The following ERGIC1 variants were observed in gnomAD, a reference collection of about 807,000 sequenced individuals.
The protein encoded by ERGIC1 is endoplasmic reticulum-golgi intermediate compartment 1.
In ERGIC1, 19 loss-of-function variants were observed where a neutral mutation model predicts 38.3. The ratio of observed to expected loss-of-function variants is 0.50; its 90% CI spans 0.35 to 0.73. The LOEUF is 0.73. Ranked by LOEUF, ERGIC1 falls within the 30% of genes least tolerant of loss-of-function variation. The pLI, the probability that ERGIC1 is intolerant of heterozygous loss-of-function variation, is 0.01. For synonymous variants in ERGIC1, 124 were observed against 157.6 expected (o/e 0.79, Z 1.60); for missense variants, 294 against 389.2 (o/e 0.76, Z 2.06).
intron 2 of ERGIC1, among the ~76,000 whole-genome samples, chr5:172,896,168 C>T (rs1386078892): frequency 6.6e-6 from 1 of 151,866 alleles, no homozygotes; most frequent in East Asian, 1.9e-4. Context: ...CATGGTGAAA[C>T]CCCGTCTCTA....
intron 4 of ERGIC1, among the ~76,000 whole-genome samples, chr5:172,914,234 CAAA>C (rs35584191): frequency 2.9e-5 from 3 of 102,184 alleles, no homozygotes; most frequent in Non-Finnish European, 5.7e-5. Flanking sequence ...GACTCTGTCT[CAAA>C]AAAAAAAAAA....
At chr5:172,910,976 G>A (rs768489401) in intron 4 of ERGIC1, among the ~76,000 whole-genome samples, 4 of 152,182 alleles carry the variant, frequency 2.6e-5, no homozygotes. Flanking sequence ...AGTAATGTCT[G>A]TTGTCTGAGG....
intron 1 of ERGIC1, among the ~76,000 whole-genome samples, chr5:172,877,856 C>T (rs968850843): frequency 3.9e-5 from 6 of 152,110 alleles, no homozygotes; most frequent in Admixed American, 6.5e-5. Context: ...CCAGGCCCTG[C>T]GTGACCCACA....
At chr5:172,857,319 G>C (rs955612122) in intron 1 of ERGIC1, among the ~76,000 whole-genome samples, 1 of 152,118 alleles carries the variant, frequency 6.6e-6, no homozygotes, top group African/African-American at 2.4e-5. Context: ...GGAATGGTTC[G>C]ATTCATTGCC....
intron 9 of ERGIC1, among the ~76,000 whole-genome samples, chr5:172,948,042 C>G (rs994146369): frequency 1.3e-5 from 2 of 152,180 alleles, no homozygotes; most frequent in African/African-American, 4.8e-5. Context: ...AACCAGCTCC[C>G]CTGCCGTCAT....
At chr5:172,845,537 A>G (rs1761265147) in intron 1 of ERGIC1, among the ~76,000 whole-genome samples, 1 of 152,210 alleles carries the variant, frequency 6.6e-6, no homozygotes, top group East Asian at 1.9e-4. Flanking sequence ...TGTGCCAGGT[A>G]TCATTCTAGA....
rs769743089 is a variant in ERGIC1, at chr5:172,950,691, A to G, written c.766-18A>G. The G allele has an allele frequency of 6.2e-7, 1 of 1,603,072 alleles. No individual in the cohort carries two copies. Among genetic ancestry groups the G allele is most frequent in the Non-Finnish European group, 8.5e-7 (1 of 1,171,612 alleles). On this transcript the variant is annotated intron_variant, in intron 9 of 9. Coordinates refer to ENST00000393784, the MANE Select transcript of ERGIC1 (RefSeq NM_001031711.3). ...CACTGACTTCTGACACTCCCACCCC[A>G]CCCCTGCCCTCTTGCAGATCTGTGC...
At chr5:172,868,651 G>A (rs1324684996) in intron 1 of ERGIC1, among the ~76,000 whole-genome samples, 9 of 152,152 alleles carry the variant, frequency 5.9e-5, no homozygotes, top group African/African-American at 1.7e-4. Context: ...TGTCTAAACC[G>A]AAGGAATGTA....
chr5:172,849,143 T>C lies in ERGIC1; in HGVS notation c.20+14710T>C, dbSNP rs1581509023. The stretch of plus-strand genomic sequence containing the variant: ...AAGTTGAAGACCTGGCTCAGGGTCA[T>C]ACCTCTGGCAAAGTAACAAACCCAA... On this transcript the variant is annotated intron_variant, in intron 1 of 9. Coordinates refer to ENST00000393784, the MANE Select transcript of ERGIC1 (RefSeq NM_001031711.3). Among the ~76,000 whole-genome samples, 6 of 152,226 alleles carry C rather than the reference T, an allele frequency of 3.9e-5. No homozygotes were observed. In the South Asian group the frequency reaches 1.2e-3, roughly 32 times the overall value.
intron 1 of ERGIC1, among the ~76,000 whole-genome samples, chr5:172,860,997 A>G (rs1477753441): frequency 1.3e-5 from 2 of 152,062 alleles, no homozygotes; most frequent in African/African-American, 4.8e-5. Flanking sequence ...GGTGAAACTC[A>G]TCCACCCTCC....
At chr5:172,903,097 G>A (rs1048365432) in intron 3 of ERGIC1, among the ~76,000 whole-genome samples, 1 of 151,832 alleles carries the variant, frequency 6.6e-6, no homozygotes, top group Non-Finnish European at 1.5e-5. Flanking sequence ...CACCTGGAAT[G>A]TGCTCCCGAC....
In ERGIC1 at chr5:172,926,464, G is replaced by A. The variant is rs1414453200; in HGVS notation, c.481-45G>A. On this transcript the variant is annotated intron_variant, in intron 6 of 9. Coordinates refer to ENST00000393784, the MANE Select transcript of ERGIC1 (RefSeq NM_001031711.3). This position sits in a 1 kb window ranked among gnomAD's most constrained non-coding sequence, Gnocchi z 5.2. ...CCCACAACCAGGGCCAGGCCTGGAG[G>A]TGGAGGTGTCCTGGGGACCATCCCC... is the stretch of plus-strand genomic sequence containing the variant. The A allele has an allele frequency of 1.2e-6, 2 of 1,610,968 alleles. No individual in the cohort carries two copies. Among genetic ancestry groups the A allele is most frequent in the Non-Finnish European group, 1.7e-6 (2 of 1,177,540 alleles).
intron 1 of ERGIC1, among the ~76,000 whole-genome samples, chr5:172,866,420 A>G (rs889042215): frequency 6.6e-6 from 1 of 152,056 alleles, no homozygotes; most frequent in Admixed American, 6.6e-5. Context: ...CACTGGTGCC[A>G]CCTCTTTGCA....
chr5:172,855,441 A>G (rs548327403), intron 1 of ERGIC1, among the ~76,000 whole-genome samples: 11 of 152,286 alleles, frequency 7.2e-5, no homozygotes, highest in African/African-American at 2.2e-4. Flanking sequence ...CATGTTTACT[A>G]TGTGCTGCGC....
chr5:172,940,033 T>C (rs938287006), intron 9 of ERGIC1, among the ~76,000 whole-genome samples: 2 of 152,182 alleles, frequency 1.3e-5, no homozygotes. Flanking sequence ...AAATAGCTCC[T>C]TAGAGGGGCT....
chr5:172,921,083 C>G (rs1763503239), intron 5 of ERGIC1, among the ~76,000 whole-genome samples: 1 of 152,238 alleles, frequency 6.6e-6, no homozygotes, highest in Admixed American at 6.5e-5. Context: ...CAAACCCGAT[C>G]TGAGGCCAGC....
At chr5:172,946,861 C>T (rs1429252286) in intron 9 of ERGIC1, among the ~76,000 whole-genome samples, 2 of 131,058 alleles carry the variant, frequency 1.5e-5, no homozygotes, top group African/African-American at 5.8e-5. Context: ...GGCCTGGCCA[C>T]TAGAGTTCTC....
intron 9 of ERGIC1, among the ~76,000 whole-genome samples, chr5:172,939,248 C>T (rs920968495): frequency 1.3e-5 from 2 of 152,176 alleles, no homozygotes; most frequent in Non-Finnish European, 2.9e-5. Context: ...TGAGTGAGCA[C>T]AGGGAGCTGT....
chr5:172,845,942 G>A (rs948186965), intron 1 of ERGIC1, among the ~76,000 whole-genome samples: 3 of 152,050 alleles, frequency 2.0e-5, no homozygotes, highest in Admixed American at 6.5e-5. Flanking sequence ...TTTCTCGGTC[G>A]GTCCCTGTTT....
Sources: gnomAD v4.1 joint callset for allele counts (sites outside exome capture counted in the v4.1 genomes callset) on GRCh38, gnomAD v4.1.1 for gene constraint, Gnocchi (gnomAD v3.1) non-coding constraint, MANE v1.5 for transcripts, NCBI Gene and HGNC (gene_info 2026-07-23, HGNC 2026-07-21) for gene names.